The following CPNE4 variants were observed in gnomAD, a reference collection of about 807,000 sequenced individuals.
The protein encoded by CPNE4 is copine 4.
In CPNE4, 25 loss-of-function variants were observed where a neutral mutation model predicts 67.9. That is an observed-to-expected ratio of 0.37 (90% CI 0.27 to 0.51). CPNE4 has a LOEUF of 0.51. CPNE4 is among the 20% of genes least tolerant of loss of function. The pLI is 0.93. For missense variants in CPNE4, 464 were observed against 690.8 expected (o/e 0.67, Z 3.68); for synonymous variants, 242 against 244.9 (o/e 0.99, Z 0.11).
At chr3:131,615,862 C>A (rs1022547820) in intron 7 of CPNE4, among the ~76,000 whole-genome samples, 8 of 150,528 alleles carry the variant, frequency 5.3e-5, no homozygotes, top group African/African-American at 2.0e-4. Context: ...CCAGCCTGGG[C>A]AACAAGAGCA....
At chr3:131,672,474 G>C (rs561752109) in intron 6 of CPNE4, among the ~76,000 whole-genome samples, 3 of 151,792 alleles carry the variant, frequency 2.0e-5, no homozygotes, top group Non-Finnish European at 4.4e-5. Context: ...CCTTTTCTCC[G>C]CATCCTTGCC....
intron 2 of CPNE4, among the ~76,000 whole-genome samples, chr3:131,839,852 C>A (rs2085704680): frequency 6.6e-6 from 1 of 152,146 alleles, no homozygotes; most frequent in Admixed American, 6.5e-5. Context: ...GTTCTCAATT[C>A]TATCACCTGT....
chr3:131,816,312 T>C (rs1053254027), intron 2 of CPNE4, among the ~76,000 whole-genome samples: 5 of 152,186 alleles, frequency 3.3e-5, no homozygotes, highest in African/African-American at 1.2e-4. Context: ...TCATAGGCAA[T>C]GGAATTTAGT....
chr3:131,557,464 T>C (rs1445427035), intron 11 of CPNE4, among the ~76,000 whole-genome samples: 1 of 152,104 alleles, frequency 6.6e-6, no homozygotes, highest in Non-Finnish European at 1.5e-5. Flanking sequence ...TAGCCAATGA[T>C]GGTTTTGACA....
At chr3:131,761,310 A>C (rs961977275) in intron 2 of CPNE4, among the ~76,000 whole-genome samples, 3 of 148,306 alleles carry the variant, frequency 2.0e-5, no homozygotes, top group Non-Finnish European at 3.0e-5. Flanking sequence ...AGAATTCCTG[A>C]GCTCAGGTCA....
chr3:131,825,493 C>CA (rs371197777), intron 2 of CPNE4, among the ~76,000 whole-genome samples: 31,002 of 114,128 alleles, frequency 0.27, 3,524 homozygotes, highest in Admixed American at 0.4. Context: ...GAGACTCCGT[C>CA]AAAAAAAAAA....
intron 2 of CPNE4, among the ~76,000 whole-genome samples, chr3:131,784,693 CTT>C (rs910015030): frequency 1.3e-5 from 2 of 152,040 alleles, no homozygotes; most frequent in Non-Finnish European, 1.5e-5. Flanking sequence ...CTTCCACAAT[CTT>C]TTTTATTTTC....
intron 7 of CPNE4, among the ~76,000 whole-genome samples, chr3:131,627,236 T>C (rs1466427705): frequency 6.6e-6 from 1 of 151,046 alleles, no homozygotes; most frequent in Admixed American, 6.6e-5. Context: ...AAAAGAATTA[T>C]GCTAAATCTA....
At chr3:131,577,388 G>A (rs181707970) in intron 9 of CPNE4, among the ~76,000 whole-genome samples, 22 of 152,094 alleles carry the variant, frequency 1.4e-4, no homozygotes, top group East Asian at 1.4e-3. Flanking sequence ...TTATCATTGC[G>A]TGAACATCAT....
At chr3:131,879,427 T>C (rs2087582227) in intron 2 of CPNE4, among the ~76,000 whole-genome samples, 1 of 152,212 alleles carries the variant, frequency 6.6e-6, no homozygotes, top group South Asian at 2.1e-4. Context: ...TCTTCTATGA[T>C]AAATTAATGG....
intron 15 of CPNE4, 50 bp downstream of exon 15, chr3:131,542,507 G>A: frequency 8.0e-7 from 1 of 1,253,986 alleles, no homozygotes; most frequent in South Asian, 1.2e-5. Context: ...AGGTGAGCAT[G>A]CTTTGGTTCT....
chr3:131,862,349 T>G (rs959864498), intron 2 of CPNE4, among the ~76,000 whole-genome samples: 2 of 152,232 alleles, frequency 1.3e-5, no homozygotes. Flanking sequence ...ATTTGATAAT[T>G]CTCCCATAAA....
At chr3:131,698,233 C>CAAAAAAAAAAAAAAAAAAAAAAAAAAAAA (rs369274504) in intron 4 of CPNE4, among the ~76,000 whole-genome samples, 8 of 64,460 alleles carry the variant, frequency 1.2e-4, no homozygotes, top group African/African-American at 4.0e-4. Flanking sequence ...GGCTCTGTCT[C>CAAAAAAAAAAAAAAAAAAAAAAAAAAAAA]AAAAAAAAAA....
intron 1 of CPNE4, among the ~76,000 whole-genome samples, chr3:131,944,219 C>G (rs1292060319): frequency 7.1e-6 from 1 of 141,496 alleles, no homozygotes; most frequent in Non-Finnish European, 1.6e-5. Flanking sequence ...TCTTTCCTCT[C>G]TCTCTTTTTT....
At chr3:131,904,507 C>T (rs1016543469) in intron 2 of CPNE4, among the ~76,000 whole-genome samples, 1 of 152,068 alleles carries the variant, frequency 6.6e-6, no homozygotes, top group African/African-American at 2.4e-5. Context: ...GTTTATGTTT[C>T]TCTATAGATC....
At chr3:131,792,671 A>ATG (rs1560322280) in intron 2 of CPNE4, among the ~76,000 whole-genome samples, 8 of 41,660 alleles carry the variant, frequency 1.9e-4, no homozygotes, top group African/African-American at 5.7e-4. Flanking sequence ...GTGTATATAT[A>ATG]CATATATACA....
chr3:131,719,561 CCTT>C (rs1184168828), intron 3 of CPNE4, among the ~76,000 whole-genome samples: 1 of 152,202 alleles, frequency 6.6e-6, no homozygotes, highest in Non-Finnish European at 1.5e-5. Context: ...GCCAGCCTGT[CCTT>C]CTTTTTAGTT....
intron 1 of CPNE4, among the ~76,000 whole-genome samples, chr3:132,005,431 A>T (rs2073574336): frequency 6.7e-6 from 1 of 150,318 alleles, no homozygotes; most frequent in Admixed American, 6.7e-5. Flanking sequence ...ATACTTTACA[A>T]AAGGAAGACA....
intron 7 of CPNE4, among the ~76,000 whole-genome samples, chr3:131,644,750 G>A (rs1395394749): frequency 6.6e-6 from 1 of 152,120 alleles, no homozygotes. Flanking sequence ...GAATGGAAAA[G>A]GTCTAAGAAT....
Sources: gnomAD v4.1 joint callset for allele counts (sites outside exome capture counted in the v4.1 genomes callset) on GRCh38, gnomAD v4.1.1 for gene constraint, MANE v1.5 for transcripts, NCBI Gene and HGNC (gene_info 2026-07-23, HGNC 2026-07-21) for gene names.